TBC1D22A: variants seen among roughly 807,000 people sequenced by gnomAD.
TBC1D22A encodes putative GTPase activator.
TBC1D22A carries 38 observed loss-of-function variants against 60.2 expected under a neutral mutation model. That is an observed-to-expected ratio of 0.63 (90% CI 0.49 to 0.83). The LOEUF (loss-of-function observed/expected upper bound fraction) is 0.83, where lower values mean the gene tolerates loss of function less well. Among genes scored for constraint, TBC1D22A ranks in the 40% least tolerant of loss-of-function variants. TBC1D22A has a pLI of 0.00. For synonymous variants in TBC1D22A, 302 were observed against 281.7 expected (o/e 1.07, Z -0.72); for missense variants, 628 against 701.0 (o/e 0.90, Z 1.18).
intron 8 of TBC1D22A, among the ~76,000 whole-genome samples, chr22:46,954,589 C>A (rs530923303): frequency 1.3e-5 from 2 of 152,280 alleles, no homozygotes; most frequent in African/African-American, 2.4e-5. Flanking sequence ...GCTCCATGCT[C>A]TGGGTGGAGA....
chr22:47,152,380 C>T (rs1281960372), intron 12 of TBC1D22A, among the ~76,000 whole-genome samples: 1 of 152,202 alleles, frequency 6.6e-6, no homozygotes, highest in African/African-American at 2.4e-5. Flanking sequence ...CAGATCAGCG[C>T]AAGCTCAGGG....
In TBC1D22A at chr22:46,792,546, A is replaced by AC. The variant is rs771822190; in HGVS notation, c.96dup (p.Phe33LeufsTer2). On this transcript the variant is annotated frameshift_variant, in exon 2 of 13. Transcript: ENST00000337137. LOFTEE classifies it high-confidence loss of function. ...ATCCAGCACGTGTATGGTGCCCAGC[A>AC]CCCCCCCTTTGATCCACTGTTACAT... is the stretch of plus-strand genomic sequence containing the variant. The AC allele has an allele frequency of 6.8e-6, 11 of 1,612,666 alleles. No homozygotes were observed. The highest frequency in any genetic ancestry group is 1.1e-5 in the South Asian group (1 of 91,020).
chr22:46,862,721 T>C (rs1374295301), intron 4 of TBC1D22A, among the ~76,000 whole-genome samples: 3 of 152,056 alleles, frequency 2.0e-5, no homozygotes, highest in African/African-American at 7.2e-5. Flanking sequence ...ATTGCCTCCC[T>C]GTAGCCATAG....
At chr22:46,877,084 T>G (rs1360715171) in intron 4 of TBC1D22A, among the ~76,000 whole-genome samples, 1 of 152,264 alleles carries the variant, frequency 6.6e-6, no homozygotes, top group Non-Finnish European at 1.5e-5. Flanking sequence ...TACAAAAGTC[T>G]TTTTAAGAAT....
chr22:46,769,277 G>A (rs769917678), intron 1 of TBC1D22A, among the ~76,000 whole-genome samples: 12 of 152,284 alleles, frequency 7.9e-5, no homozygotes, highest in East Asian at 5.8e-4. Flanking sequence ...TCAGACGGTC[G>A]GCTGAATAGG....
intron 7 of TBC1D22A, among the ~76,000 whole-genome samples, chr22:46,905,983 T>A (rs1386062108): frequency 6.6e-6 from 1 of 152,154 alleles, no homozygotes; most frequent in Non-Finnish European, 1.5e-5. Context: ...GCTGCCCCTT[T>A]TGCAGTTTCC....
intron 5 of TBC1D22A, among the ~76,000 whole-genome samples, chr22:46,889,070 T>G (rs1569178557): frequency 6.6e-6 from 1 of 152,172 alleles, no homozygotes; most frequent in Non-Finnish European, 1.5e-5. Context: ...CTGGACTTCA[T>G]GAAACTTTAA....
At chr22:47,070,313 G>A (rs1268624390) in intron 11 of TBC1D22A, among the ~76,000 whole-genome samples, 1 of 149,402 alleles carries the variant, frequency 6.7e-6, no homozygotes, top group Admixed American at 6.6e-5. Context: ...TGACTTGATG[G>A]TTCCAGGCTG....
chr22:47,157,896 A>G (rs1450228612), intron 12 of TBC1D22A, among the ~76,000 whole-genome samples: 2 of 150,962 alleles, frequency 1.3e-5, no homozygotes, highest in South Asian at 2.2e-4. Context: ...TACCCCTGCC[A>G]TGCTGGGTGT....
In TBC1D22A at chr22:46,969,247, G is replaced by A. The variant is rs537431766; in HGVS notation, c.1016-5043G>A. On this transcript the variant is annotated intron_variant, in intron 8 of 12. Coordinates refer to ENST00000337137, the MANE Select transcript of TBC1D22A (RefSeq NM_014346.5). ...TGTTGCAGAAATAACTGCTCATTGT[G>A]AAAATTGACATTCCCTTTTACTCTC... Among the ~76,000 whole-genome samples the A allele has an allele frequency of 1.2e-4, 19 of 152,284 alleles. No individual in the cohort carries two copies. The East Asian group carries it at 3.3e-3, about 26-fold the overall frequency.
chr22:47,107,582 T>G (rs1034728025), intron 11 of TBC1D22A, among the ~76,000 whole-genome samples: 11 of 152,176 alleles, frequency 7.2e-5, no homozygotes, highest in Non-Finnish European at 1.2e-4. Flanking sequence ...AGAAAGAAGA[T>G]CTGATTAAAC....
At chr22:46,783,757 C>A (rs1187268462) in intron 1 of TBC1D22A, among the ~76,000 whole-genome samples, 1 of 152,180 alleles carries the variant, frequency 6.6e-6, no homozygotes, top group East Asian at 1.9e-4. Context: ...TTCACATCTG[C>A]TATGGTTAGT....
intron 8 of TBC1D22A, among the ~76,000 whole-genome samples, chr22:46,967,705 C>T (rs1358541129): frequency 1.3e-5 from 2 of 152,236 alleles, no homozygotes; most frequent in Non-Finnish European, 2.9e-5. Flanking sequence ...CAGTACCAAG[C>T]TCTTCCATGT....
intron 4 of TBC1D22A, among the ~76,000 whole-genome samples, chr22:46,826,300 C>A (rs532999522): frequency 4.6e-5 from 7 of 152,182 alleles, no homozygotes; most frequent in Admixed American, 2.0e-4. Context: ...TTCCTGGCCG[C>A]CCCTGTTCTC....
chr22:47,158,212 A>G (rs1031595446), intron 12 of TBC1D22A, among the ~76,000 whole-genome samples: 1 of 152,166 alleles, frequency 6.6e-6, no homozygotes, highest in Non-Finnish European at 1.5e-5. Flanking sequence ...CAGCGTTTGC[A>G]TGCTTCTGCA....
chr22:46,813,193 T>C (rs924007368), intron 4 of TBC1D22A, among the ~76,000 whole-genome samples: 1 of 152,264 alleles, frequency 6.6e-6, no homozygotes, highest in Admixed American at 6.5e-5. Flanking sequence ...AAAGTGTATA[T>C]TGAATTCGTA....
At chr22:46,954,944 A>G (rs903003527) in intron 8 of TBC1D22A, among the ~76,000 whole-genome samples, 2 of 152,222 alleles carry the variant, frequency 1.3e-5, no homozygotes, top group Non-Finnish European at 2.9e-5. Context: ...TATTTTATTG[A>G]ACCACAAAAT....
chr22:47,016,830 G>A (rs1038593550), intron 10 of TBC1D22A, among the ~76,000 whole-genome samples: 2 of 150,888 alleles, frequency 1.3e-5, no homozygotes, highest in Admixed American at 6.6e-5. Flanking sequence ...GGGGCTACCG[G>A]CCTGCCTCCT....
At position 47,143,822 on chromosome 22, in the gene TBC1D22A, G is replaced by C. The variant is rs184350043; in HGVS notation, c.1426-29676G>C. Among the ~76,000 whole-genome samples, 647 of 152,354 alleles carry C rather than the reference G, an allele frequency of 4.2e-3. 4 individuals carry two copies. Among genetic ancestry groups the C allele is most frequent in the African/African-American group, 0.015 (615 of 41,580 alleles). On this transcript the variant is annotated intron_variant, in intron 12 of 12. Coordinates refer to ENST00000337137, the MANE Select transcript of TBC1D22A (RefSeq NM_014346.5). The stretch of plus-strand genomic sequence containing the variant: ...GAGTTGCCAGAGGTGCATGAGGAGG[G>C]CTGGGCCCGGAGGTGAAGGTTGACA...
Sources: gnomAD v4.1 joint callset for allele counts (sites outside exome capture counted in the v4.1 genomes callset) on GRCh38, gnomAD v4.1.1 for gene constraint, MANE v1.5 for transcripts, NCBI Gene and HGNC (gene_info 2026-07-23, HGNC 2026-07-21) for gene names.